TRPM3: variants seen among roughly 807,000 people sequenced by gnomAD.
The protein encoded by TRPM3 is long transient receptor potential channel 3.
Under a neutral mutation model 181.2 loss-of-function variants are expected in TRPM3, and 77 were observed. The ratio of observed to expected loss-of-function variants is 0.42; its 90% confidence interval spans 0.35 to 0.51. TRPM3 has a LOEUF of 0.51. TRPM3 is among the 20% of genes least tolerant of loss of function. The pLI is 0.01. For missense variants in TRPM3, 1,759 were observed against 2,196.7 expected, an observed-to-expected ratio of 0.80 and a Z score of 3.98; for synonymous variants, 745 against 796.4, an observed-to-expected ratio of 0.94 and a Z score of 1.09.
chr9:70,539,932 A>G (rs1324163685), intron 25 of TRPM3, among the ~76,000 whole-genome samples: 1 of 152,128 alleles, frequency 6.6e-6, no homozygotes, highest in East Asian at 1.9e-4. Context: ...CCTCCTGGGC[A>G]CAAGTGATCC....
chr9:70,799,246 T>G (rs1310205627), intron 6 of TRPM3, among the ~76,000 whole-genome samples: 2 of 152,208 alleles, frequency 1.3e-5, no homozygotes, highest in African/African-American at 4.8e-5. Context: ...ACAGCTCAAG[T>G]GCTGTAAGCT....
At chr9:71,201,324 A>G (rs966221130) in intron 1 of TRPM3, among the ~76,000 whole-genome samples, 9 of 151,686 alleles carry the variant, frequency 5.9e-5, no homozygotes, top group Non-Finnish European at 1.2e-4. Context: ...CTTCATTTCA[A>G]CTTTGGTGAA....
chr9:71,071,368 C>A (rs955979127), intron 1 of TRPM3, among the ~76,000 whole-genome samples: 1 of 152,150 alleles, frequency 6.6e-6, no homozygotes, highest in Non-Finnish European at 1.5e-5. Context: ...GTATAGCCTG[C>A]ACCTTAACTA....
intron 1 of TRPM3, among the ~76,000 whole-genome samples, chr9:70,939,750 T>C (rs2096867180): frequency 6.6e-6 from 1 of 152,218 alleles, no homozygotes. Flanking sequence ...TCCAAGCATC[T>C]TTGTTTACTC....
At chr9:70,603,253 G>T in intron 20 of TRPM3, 89 bp downstream of exon 20, 2 of 1,465,188 alleles carry the variant, frequency 1.4e-6, no homozygotes, top group Non-Finnish European at 1.9e-6. Context: ...GGCTTAATTT[G>T]CATCCCAGGC....
At chr9:71,290,209 T>G (rs2085687444) in intron 1 of TRPM3, among the ~76,000 whole-genome samples, 1 of 152,058 alleles carries the variant, frequency 6.6e-6, no homozygotes, top group South Asian at 2.1e-4. Context: ...GACGCACTCT[T>G]TTTCAGAACT....
At chr9:70,848,726 C>CTACATT (rs2095092718) in intron 3 of TRPM3, among the ~76,000 whole-genome samples, 1 of 28,810 alleles carries the variant, frequency 3.5e-5, no homozygotes, top group African/African-American at 1.4e-4. Flanking sequence ...GCCTGTAATC[C>CTACATT]CAGCACTTTG....
intron 8 of TRPM3, among the ~76,000 whole-genome samples, chr9:70,739,080 T>G (rs558090448): frequency 1.3e-5 from 2 of 152,284 alleles, no homozygotes; most frequent in East Asian, 3.9e-4. Flanking sequence ...CCAATCCTAT[T>G]GATATTATTT....
chr9:71,106,811 C>T (rs2069700006), intron 1 of TRPM3, among the ~76,000 whole-genome samples: 1 of 152,084 alleles, frequency 6.6e-6, no homozygotes, highest in South Asian at 2.1e-4. Context: ...AAATGTTTCT[C>T]CACAATGAGA....
At chr9:70,666,628 T>C (rs1175816953) in intron 9 of TRPM3, among the ~76,000 whole-genome samples, 2 of 152,178 alleles carry the variant, frequency 1.3e-5, no homozygotes, top group Non-Finnish European at 2.9e-5. Context: ...TAGCTCCTAG[T>C]TCTTTGCATG....
intron 1 of TRPM3, among the ~76,000 whole-genome samples, chr9:71,263,667 C>T (rs750416513): frequency 2.0e-5 from 3 of 152,176 alleles, no homozygotes; most frequent in East Asian, 1.9e-4. Context: ...GATTCTGGCA[C>T]AATCACAGCA....
At chr9:71,192,025 A>G (rs7847948) in intron 1 of TRPM3, among the ~76,000 whole-genome samples, 1 of 151,638 alleles carries the variant, frequency 6.6e-6, no homozygotes, top group Non-Finnish European at 1.5e-5. Context: ...CTTCAACTAA[A>G]GGAAGAAAAA....
chr9:70,537,067 T>G lies in TRPM3; in HGVS notation c.4046A>C (p.His1349Pro). ...SPTLMPRMRS[H>P]SFYSVNMKDK... ...TTTCATATTGACCGAATAGAAAGAA[T>G]GGCTTCGCATACGGGGCATTAAGGT... The change falls in exon 26 of 26, where the codon CAT becomes CCT. Residue 1349 changes from histidine (H) to proline (P), a missense_variant. By Grantham distance (77) the His-to-Pro change is moderately conservative. Coordinates refer to ENST00000677713, the MANE Select transcript of TRPM3 (RefSeq NM_001366145.2). 6.2e-7 allele frequency: 1 copy of G among 1,612,306 alleles called. No homozygotes were observed. Among genetic ancestry groups the G allele is most frequent in the Non-Finnish European group, 8.5e-7 (1 of 1,178,394 alleles).
At position 70,969,767 on chromosome 9, in the gene TRPM3, TATATATATATATAC is replaced by T. The variant is rs1476728213; in HGVS notation, c.178-105270_178-105257del. Among the ~76,000 whole-genome samples, 9 of 66,260 alleles carry T rather than the reference TATATATATATATAC, an allele frequency of 1.4e-4. 1 individual carries two copies. Among genetic ancestry groups the T allele is most frequent in the East Asian group, 5.0e-4 (1 of 1,984 alleles). The allele number at this position is 66,260 out of a possible 152,430, so 43.5% of individuals were successfully genotyped here. The stretch of plus-strand genomic sequence containing the variant: ...AAGACTGAATGATTTTATATATATA[TATATATATATATAC>T]ACACACACACTAAGAAATTATATAA... On this transcript the variant is annotated intron_variant, in intron 1 of 25. Transcript: ENST00000677713.
At chr9:71,122,419 C>T (rs549216744), upstream of TRPM3, among the ~76,000 whole-genome samples, 22 of 152,308 alleles carry the variant, frequency 1.4e-4, no homozygotes, top group African/African-American at 5.1e-4. Flanking sequence ...ACACAACCCC[C>T]CTTCGGCTCC....
chr9:70,589,038 G>A (rs1430552325), intron 22 of TRPM3, among the ~76,000 whole-genome samples: 2 of 152,330 alleles, frequency 1.3e-5, no homozygotes, highest in African/African-American at 2.4e-5. Context: ...AGGGCATCAC[G>A]AAGGCTGCAT....
intron 6 of TRPM3, among the ~76,000 whole-genome samples, chr9:70,797,785 A>T (rs770607764): frequency 6.6e-6 from 1 of 152,140 alleles, no homozygotes; most frequent in Non-Finnish European, 1.5e-5. Context: ...TCTTCTTGGC[A>T]TCTGCCTACT....
At chr9:71,250,045 A>C (rs776966881) in intron 1 of TRPM3, among the ~76,000 whole-genome samples, 13 of 152,202 alleles carry the variant, frequency 8.5e-5, no homozygotes, top group African/African-American at 2.2e-4. Context: ...CCTCATTGAC[A>C]TTAAGAGAAT....
chr9:70,635,462 A>ATTT (rs71505401), intron 11 of TRPM3, among the ~76,000 whole-genome samples: 1,549 of 113,060 alleles, frequency 0.014, 58 homozygotes, highest in African/African-American at 0.029. Context: ...TTTGTCAGTG[A>ATTT]TTTTTTTTTT....
Sources: allele counts gnomAD v4.1 joint callset (sites outside exome capture counted in the v4.1 genomes callset), GRCh38; gene constraint gnomAD v4.1.1; transcripts MANE v1.5; gene names NCBI Gene and HGNC (gene_info 2026-07-23, HGNC 2026-07-21).